Variants in ISY1 observed in about 807,000 individuals in gnomAD.
The protein encoded by ISY1 is pre-mRNA-splicing factor ISY1 homolog.
ISY1 carries 12 observed loss-of-function variants against 54.4 expected under a neutral mutation model. The observed-to-expected ratio is 0.22, with a 90% CI of 0.14 to 0.36. ISY1 has a LOEUF of 0.36. Ranked by LOEUF, ISY1 falls within the 10% of genes least tolerant of loss-of-function variation. The pLI is 1.00. For missense variants in ISY1, 282 were observed against 342.2 expected (o/e 0.82, Z 1.39); for synonymous variants, 96 against 117.9 (o/e 0.81, Z 1.20).
chr3:129,147,483 T>C (rs1936803686), intron 5 of ISY1, among the ~76,000 whole-genome samples: 1 of 152,082 alleles, frequency 6.6e-6, no homozygotes, highest in Non-Finnish European at 1.5e-5. Context: ...GACTTTCCAG[T>C]GCTAAAGACA....
chr3:129,130,424 T>C (rs760318633), intron 10 of ISY1, 126 bp downstream of exon 10: 280 of 1,243,484 alleles, frequency 2.3e-4, no homozygotes, highest in Non-Finnish European at 2.9e-4. Flanking sequence ...ATGACAGGTG[T>C]CATGTGGTCA....
intron 7 of ISY1, among the ~76,000 whole-genome samples, chr3:129,136,232 G>C (rs1400207011): frequency 1.3e-5 from 2 of 151,668 alleles, no homozygotes; most frequent in Non-Finnish European, 2.9e-5. Flanking sequence ...CTCCCGAGTA[G>C]CTGGGATTAC....
chr3:129,142,743 C>T (rs1936659073), intron 6 of ISY1, among the ~76,000 whole-genome samples: 1 of 151,592 alleles, frequency 6.6e-6, no homozygotes, highest in East Asian at 1.9e-4. Context: ...GACACCATTT[C>T]TACAAAAAAT....
At chr3:129,135,511 A>G (rs775247260) in intron 7 of ISY1, among the ~76,000 whole-genome samples, 1 of 152,158 alleles carries the variant, frequency 6.6e-6, no homozygotes, top group Non-Finnish European at 1.5e-5. Flanking sequence ...CATGCCTGTA[A>G]TCCCAGCACT....
At chr3:129,132,631 T>A (rs986122199) in intron 9 of ISY1, among the ~76,000 whole-genome samples, 2 of 152,200 alleles carry the variant, frequency 1.3e-5, no homozygotes, top group Non-Finnish European at 2.9e-5. Flanking sequence ...CAGGCTCTAT[T>A]GAGGGACTGT....
At chr3:129,157,452 G>T (rs112295124) in intron 3 of ISY1, among the ~76,000 whole-genome samples, 6 of 151,984 alleles carry the variant, frequency 3.9e-5, no homozygotes, top group Non-Finnish European at 7.4e-5. Context: ...TGGGCACGGC[G>T]GTTCATCTCT....
intron 3 of ISY1, 142 bp downstream of exon 3, chr3:129,158,366 C>A: frequency 8.7e-7 from 1 of 1,146,336 alleles, no homozygotes; most frequent in Admixed American, 2.0e-5. Context: ...GCCATGTTGC[C>A]CAGACTGGTC....
Position 129,138,595 on chromosome 3 carries a change from G to T in ISY1, c.418+1773C>A, listed in dbSNP as rs1936505404. On this transcript the variant is annotated intron_variant, in intron 7 of 10. Coordinates refer to ENST00000393295, the MANE Select transcript of ISY1 (RefSeq NM_020701.4). The stretch of plus-strand genomic sequence containing the variant: ...GGAGGTGGAGCTTGCAGTGAGCCAA[G>T]ATTGGGCCACTGTACTCCAGCCTTG... Among the ~76,000 whole-genome samples, 3 of 151,926 alleles carry T rather than the reference G, an allele frequency of 2.0e-5. No individual in the cohort carries two copies. In the South Asian group the frequency reaches 6.2e-4, roughly 31 times the overall value.
intron 7 of ISY1, among the ~76,000 whole-genome samples, chr3:129,135,301 G>A (rs931545902): frequency 1.3e-5 from 2 of 151,588 alleles, no homozygotes; most frequent in Non-Finnish European, 2.9e-5. Flanking sequence ...CCGAGATCAC[G>A]CCACTGCACT....
At chr3:129,139,744 G>T (rs1420652032) in intron 7 of ISY1, among the ~76,000 whole-genome samples, 1 of 151,974 alleles carries the variant, frequency 6.6e-6, no homozygotes, top group East Asian at 1.9e-4. Flanking sequence ...TCAGATTCAA[G>T]CAATTCTCCT....
At chr3:129,143,132 T>C (rs773728075) in intron 6 of ISY1, among the ~76,000 whole-genome samples, 1 of 151,858 alleles carries the variant, frequency 6.6e-6, no homozygotes, top group Non-Finnish European at 1.5e-5. Context: ...AAAGGATTAC[T>C]TGCACCTGGA....
Position 129,130,631 on chromosome 3 carries a change from G to A in ISY1, c.669C>T (p.Asp223=), listed in dbSNP as rs375151571. 9.3e-6 allele frequency: 15 copies of A among 1,613,754 alleles called. No individual in the cohort carries two copies. The highest frequency in any genetic ancestry group is 8.0e-5 in the African/African-American group (6 of 74,844). ...CTCCTTTCTCCTGGCTGCCTTCCTCGTCCGACTACAAACAGAACAAACGAA... is the reference window on the plus strand; with the variant it reads ...CTCCTTTCTCCTGGCTGCCTTCCTCATCCGACTACAAACAGAACAAACGAA... ...NIYAVTEEES[D]EEGSQEKGGD... The change falls in exon 10 of 11, where the codon GAC becomes GAT. Residue 223 remains aspartate, a synonymous_variant. Transcript: ENST00000393295.
Position 129,159,145 on chromosome 3 carries a change from G to T in ISY1, c.26+9C>A, listed in dbSNP as rs773520915. ...AAAAATTTACAGCCAAAAACAAGTT[G>T]ATACTTACATGGCCTTTTCTGCATT... On this transcript the variant is annotated intron_variant, in intron 2 of 10. Transcript: ENST00000393295. 6.2e-7 allele frequency: 1 copy of T among 1,605,826 alleles called. No homozygotes were observed.
intron 5 of ISY1, among the ~76,000 whole-genome samples, chr3:129,149,797 A>T: frequency 9.2e-6 from 1 of 108,156 alleles, no homozygotes; most frequent in Admixed American, 1.2e-4. Flanking sequence ...TCAAAAAAAA[A>T]AAAAAAAAAA....
intron 1 of ISY1, 54 bp downstream of exon 1, chr3:129,160,919 C>CCCCCGGGGGGGGGGGGGGGGG: frequency 2.3e-6 from 1 of 428,612 alleles, no homozygotes; most frequent in Non-Finnish European, 4.6e-6. Flanking sequence ...GGACTGGGCG[C>CCCCCGGGGGGGGGGGGGGGGG]CCCCCCGCCC....
In ISY1 at chr3:129,138,814, C is replaced by CA. The variant is rs752198992; in HGVS notation, c.418+1553dup. 2.7e-3 allele frequency among the ~76,000 whole-genome samples: 298 copies of CA among 110,894 alleles called. 3 individuals carry two copies. Among genetic ancestry groups the CA allele is most frequent in the Admixed American group, 4.5e-3 (47 of 10,470 alleles). 72.8% of individuals were successfully genotyped at this position (110,894 alleles called of 152,430 possible). On this transcript the variant is annotated intron_variant, in intron 7 of 10. Transcript: ENST00000393295. ...TGCGCAACAGAGCAAGACTCCATCT[C>CA]AAAAAAAAAAAAAGAAAGAAAGAAA...
intron 5 of ISY1, among the ~76,000 whole-genome samples, chr3:129,154,196 T>A (rs1937062653): frequency 7.3e-6 from 1 of 137,076 alleles, no homozygotes; most frequent in South Asian, 2.2e-4. Context: ...TGAGCTGAGA[T>A]GGCGCCACTG....
At chr3:129,133,949 T>G in intron 9 of ISY1, 125 bp downstream of exon 9, 1 of 1,499,024 alleles carries the variant, frequency 6.7e-7, no homozygotes, top group Non-Finnish European at 9.0e-7. Context: ...TTCACAGCCA[T>G]CCTGCAGGTG....
At chr3:129,133,399 A>G (rs1335747619) in intron 9 of ISY1, among the ~76,000 whole-genome samples, 3 of 152,196 alleles carry the variant, frequency 2.0e-5, no homozygotes, top group African/African-American at 7.2e-5. Flanking sequence ...TCCATGTGTA[A>G]GACAGGGGTG....
Sources: allele counts gnomAD v4.1 joint callset (sites outside exome capture counted in the v4.1 genomes callset), GRCh38; gene constraint gnomAD v4.1.1; transcripts MANE v1.5; gene names NCBI Gene and HGNC (gene_info 2026-07-23, HGNC 2026-07-21).